The following NRF1 variants were observed in gnomAD, a reference collection of about 807,000 sequenced individuals.
The protein encoded by NRF1 is alpha palindromic-binding protein.
Under a neutral mutation model 58.5 loss-of-function variants are expected in NRF1, and 5 were observed. That is an observed-to-expected ratio of 0.09 (90% confidence interval 0.04 to 0.18). NRF1 has a LOEUF of 0.18. Among genes scored for constraint, NRF1 ranks in the 10% least tolerant of loss-of-function variants. The probability of loss-of-function intolerance (pLI) is 1.00; values close to 1 mark genes in which losing one functional copy is unlikely to be tolerated. For missense variants in NRF1, 288 were observed against 657.7 expected, an observed-to-expected ratio of 0.44 and a Z score of 6.15; for synonymous variants, 224 against 246.7, an observed-to-expected ratio of 0.91 and a Z score of 0.86.
chr7:129,697,281 C>T (rs560521595), intron 5 of NRF1, among the ~76,000 whole-genome samples: 6 of 151,790 alleles, frequency 4.0e-5, no homozygotes, highest in African/African-American at 9.7e-5. Flanking sequence ...CGGTGGCTCA[C>T]GCATGTAATC....
intron 4 of NRF1, among the ~76,000 whole-genome samples, chr7:129,685,432 A>G (rs753785434): frequency 1.3e-5 from 2 of 152,172 alleles, no homozygotes; most frequent in African/African-American, 4.8e-5. Flanking sequence ...TGGCTCCTGC[A>G]AATACCCTAA....
intron 10 of NRF1, among the ~76,000 whole-genome samples, chr7:129,732,458 C>G (rs78727915): frequency 0.043 from 6,484 of 152,258 alleles, 168 homozygotes; most frequent in Middle Eastern, 0.12. Flanking sequence ...ACCTAATAAG[C>G]CTCTTAGCAG....
At chr7:129,697,533 G>A (rs1802727841) in intron 5 of NRF1, among the ~76,000 whole-genome samples, 1 of 150,416 alleles carries the variant, frequency 6.6e-6, no homozygotes, top group Non-Finnish European at 1.5e-5. Context: ...GGGCGACAGA[G>A]TGAGACGCAG....
At chr7:129,720,215 G>T (rs1204311301) in intron 9 of NRF1, among the ~76,000 whole-genome samples, 2 of 152,174 alleles carry the variant, frequency 1.3e-5, no homozygotes, top group Admixed American at 6.5e-5. Context: ...TTCTGCTGGG[G>T]ATGAAGAAAC....
intron 10 of NRF1, among the ~76,000 whole-genome samples, chr7:129,728,360 G>A (rs948430655): frequency 6.6e-6 from 1 of 151,304 alleles, no homozygotes; most frequent in African/African-American, 2.4e-5. Context: ...CCATGGTGGT[G>A]TGCGAGGCTG....
chr7:129,749,183 A>G (rs1220954887), intron 10 of NRF1, among the ~76,000 whole-genome samples: 2 of 152,224 alleles, frequency 1.3e-5, no homozygotes, highest in African/African-American at 2.4e-5. Flanking sequence ...GGCAGGCGCT[A>G]AAGTAGGGTT....
chr7:129,696,872 CAGAGTG>C (rs1438300096), intron 5 of NRF1, among the ~76,000 whole-genome samples: 2 of 152,104 alleles, frequency 1.3e-5, no homozygotes, highest in Non-Finnish European at 2.9e-5. Context: ...AATACTAACT[CAGAGTG>C]AGAAGATCTA....
intron 1 of NRF1, among the ~76,000 whole-genome samples, chr7:129,652,642 G>A (rs1801562559): frequency 6.6e-6 from 1 of 152,082 alleles, no homozygotes; most frequent in African/African-American, 2.4e-5. Context: ...TGTCGCCCAG[G>A]CTGGAGTGCA....
chr7:129,651,133 T>C (rs536102033), intron 1 of NRF1, among the ~76,000 whole-genome samples: 1 of 152,086 alleles, frequency 6.6e-6, no homozygotes, highest in Admixed American at 6.6e-5. Flanking sequence ...ATAAAAATGG[T>C]TAGAGAGGCC....
rs1289689846 is a variant in NRF1, at chr7:129,709,143, G to C, written c.675G>C (p.Gly225=). The C allele has an allele frequency of 6.3e-7, 1 of 1,598,168 alleles. No homozygotes were observed. The highest frequency in any genetic ancestry group is 2.3e-5 in the East Asian group (1 of 43,750). Residue 225 remains glycine (G), a synonymous_variant, in exon 6 of 11, where the codon GGG becomes GGC. Transcript: ENST00000393232. Reference sequence around the variant, plus strand: ...CAGGTCGGGGAAAACCAGGCTGGGGGAAAGAAAGCTGCAAGCCCATCTGGT... The same window carrying C: ...CAGGTCGGGGAAAACCAGGCTGGGGCAAAGAAAGCTGCAAGCCCATCTGGT... The part of the protein sequence containing the change: ...YSTGRGKPGW[G]KESCKPIWWP...
chr7:129,724,089 A>G (rs1803395783), intron 9 of NRF1, among the ~76,000 whole-genome samples: 1 of 152,250 alleles, frequency 6.6e-6, no homozygotes, highest in African/African-American at 2.4e-5. Flanking sequence ...TCAAAAGACT[A>G]TCAGTAGAGG....
chr7:129,662,674 T>C (rs539312196), intron 2 of NRF1, among the ~76,000 whole-genome samples: 1 of 152,300 alleles, frequency 6.6e-6, no homozygotes, highest in South Asian at 2.1e-4. Flanking sequence ...TAGAGAGGAT[T>C]TTTGTTTGCT....
At chr7:129,742,275 TAA>T (rs71167214) in intron 10 of NRF1, among the ~76,000 whole-genome samples, 4,255 of 126,780 alleles carry the variant, frequency 0.034, 194 homozygotes, top group African/African-American at 0.11. Context: ...TGAAATTGAT[TAA>T]AAAAAAAAAA....
At chr7:129,702,060 C>G (rs905745630) in intron 5 of NRF1, among the ~76,000 whole-genome samples, 1 of 152,100 alleles carries the variant, frequency 6.6e-6, no homozygotes, top group Non-Finnish European at 1.5e-5. Flanking sequence ...AGAATTTGGC[C>G]TAGAAGGAAG....
At chr7:129,672,662 A>G (rs140015960) in intron 3 of NRF1, among the ~76,000 whole-genome samples, 2 of 152,258 alleles carry the variant, frequency 1.3e-5, no homozygotes, top group African/African-American at 4.8e-5. Flanking sequence ...GTTTGAGAGA[A>G]AGGAGTGCTG....
rs368623619 is a variant in NRF1 at position 129,742,037 on chromosome 7, G to A, written c.1349-12981G>A. 2.0e-5 allele frequency among the ~76,000 whole-genome samples: 3 copies of A among 152,300 alleles called. No homozygotes were observed. The East Asian group carries it at 5.8e-4, about 29-fold the overall frequency. ...TGAAGTGAATGTCTAAGTGGCACCT[G>A]CTTCATTCAACAGATCTGCTTTCCT... On this transcript the variant is annotated intron_variant, in intron 10 of 10. Transcript: ENST00000393232.
intron 5 of NRF1, among the ~76,000 whole-genome samples, chr7:129,701,280 A>G (rs1802818657): frequency 6.6e-6 from 1 of 152,272 alleles, no homozygotes; most frequent in African/African-American, 2.4e-5. Flanking sequence ...CATTTCCCCC[A>G]TATCAGATGA....
At chr7:129,695,995 G>A (rs1802683532) in intron 5 of NRF1, among the ~76,000 whole-genome samples, 1 of 149,372 alleles carries the variant, frequency 6.7e-6, no homozygotes, top group African/African-American at 2.5e-5. Context: ...GGCCGAGGCA[G>A]GTGGATCACC....
chr7:129,748,271 T>G (rs1208636660), intron 10 of NRF1, among the ~76,000 whole-genome samples: 5 of 39,272 alleles, frequency 1.3e-4, no homozygotes, highest in Non-Finnish European at 2.4e-4. Flanking sequence ...CAAGACTCCG[T>G]CTCAAAAAAA....
Sources: allele counts gnomAD v4.1 joint callset (sites outside exome capture counted in the v4.1 genomes callset), GRCh38; gene constraint gnomAD v4.1.1; transcripts MANE v1.5; gene names NCBI Gene and HGNC (gene_info 2026-07-23, HGNC 2026-07-21).